The following ZNF577 variants were observed in gnomAD, a reference collection of about 807,000 sequenced individuals.
ZNF577 encodes the protein zinc finger protein 577.
Under a neutral mutation model 13.9 loss-of-function variants are expected in ZNF577, and 14 were observed. The ratio of observed to expected loss-of-function variants is 1.00; its 90% CI spans 0.66 to 1.57. The LOEUF is 1.57. ZNF577 is among the 40% of genes most tolerant of loss of function. The pLI, the probability that ZNF577 is intolerant of heterozygous loss-of-function variation, is 0.00. For synonymous variants in ZNF577, 203 were observed against 202.9 expected (o/e 1.00, Z 0.00); for missense variants, 555 against 579.2 (o/e 0.96, Z 0.43).
chr19:51,831,088 A>G (rs562020909), intron 9 of ZNF577, among the ~76,000 whole-genome samples: 1 of 152,252 alleles, frequency 6.6e-6, no homozygotes, highest in East Asian at 1.9e-4. Flanking sequence ...TTAAGTCCCA[A>G]ATATAAGTAA....
chr19:51,847,697 A>G (rs571313790), intron 5 of ZNF577, among the ~76,000 whole-genome samples: 1 of 152,174 alleles, frequency 6.6e-6, no homozygotes, highest in Non-Finnish European at 1.5e-5. Context: ...AAGCGGCCTT[A>G]AACGGCAACC....
chr19:51,872,952 A>G lies in ZNF577; in HGVS notation c.1038T>C (p.Arg346=), dbSNP rs1180296164. The change falls in exon 6 of 6, where the codon CGT becomes CGC. Residue 346 remains arginine, a synonymous_variant. Coordinates refer to ENST00000638348, the MANE Select transcript of ZNF577 (RefSeq NM_001370449.1). ...AATATGGTCTCTCTCCAGTGTGAGT[A>G]CGCTGATGCTGAATGAGCTTCGACT... The part of the protein sequence containing the change: ...RSKSKLIQHQ[R]THTGERPYSC... 6.2e-7 allele frequency: 1 copy of G among 1,614,072 alleles called. No individual in the cohort carries two copies. Among genetic ancestry groups the G allele is most frequent in the African/African-American group, 1.3e-5 (1 of 74,944 alleles).
chr19:51,806,252 T>C (rs1460931230), intron 10 of ZNF577, among the ~76,000 whole-genome samples: 2 of 152,118 alleles, frequency 1.3e-5, no homozygotes, highest in Admixed American at 1.3e-4. Context: ...CAGTCTCCCA[T>C]TCCAGGGTTG....
chr19:51,820,194 C>T (rs192216978), intron 9 of ZNF577, among the ~76,000 whole-genome samples: 1 of 152,280 alleles, frequency 6.6e-6, no homozygotes, highest in Non-Finnish European at 1.5e-5. Flanking sequence ...AGAAATCACA[C>T]GTGCTGGAGA....
chr19:51,804,472 TCAAAA>T (rs1015241672), downstream of ZNF577, among the ~76,000 whole-genome samples: 1 of 152,116 alleles, frequency 6.6e-6, no homozygotes, highest in African/African-American at 2.4e-5. Context: ...TATAACCGCA[TCAAAA>T]CAAAGTTTTA....
chr19:51,814,075 T>C (rs2084116698), intron 9 of ZNF577, among the ~76,000 whole-genome samples: 1 of 152,246 alleles, frequency 6.6e-6, no homozygotes, highest in East Asian at 1.9e-4. Context: ...CTTTTTGTAA[T>C]AGTAAATTCC....
At chr19:51,827,077 C>T (rs919291336) in intron 9 of ZNF577, among the ~76,000 whole-genome samples, 1 of 152,164 alleles carries the variant, frequency 6.6e-6, no homozygotes, top group African/African-American at 2.4e-5. Flanking sequence ...ATTATAGAAA[C>T]TATAATCCTA....
intron 4 of ZNF577, chr19:51,878,067 A>C (rs1244308252): frequency 1.1e-5 from 2 of 178,546 alleles, no homozygotes; most frequent in Non-Finnish European, 2.4e-5. Context: ...CAAAATCCTA[A>C]AGACAGAAAG....
rs1482714168 is a variant in ZNF577 at position 51,870,505 on chromosome 19, T to A, written c.*2027A>T. ...ACTCCTTACTTAAGGTCCACTGTGA[T>A]TCTCCAAATGTTAGGAGGCGTTTCC... On this transcript the variant is annotated 3_prime_UTR_variant, in exon 6 of 6. Transcript: ENST00000638348. Among the ~76,000 whole-genome samples the A allele has an allele frequency of 2.6e-5, 4 of 152,204 alleles. No individual in the cohort carries two copies. Among genetic ancestry groups the A allele is most frequent in the Admixed American group, 2.6e-4 (4 of 15,274 alleles).
In ZNF577 at chr19:51,868,482, C is replaced by T. The variant is rs1413536000; in HGVS notation, c.*4050G>A. Among the ~76,000 whole-genome samples, 1 of 152,182 alleles carries T rather than the reference C, an allele frequency of 6.6e-6. No individual in the cohort carries two copies. Among genetic ancestry groups the T allele is most frequent in the Non-Finnish European group, 1.5e-5 (1 of 68,022 alleles). ...ACAATGGGATTCTGTAGGACTGCTT[C>T]CCACCTCAGCCACACAGCAGGGCAG... is the stretch of plus-strand genomic sequence containing the variant. On this transcript the variant is annotated 3_prime_UTR_variant, in exon 6 of 6. Coordinates refer to ENST00000638348, the MANE Select transcript of ZNF577 (RefSeq NM_001370449.1).
intron 9 of ZNF577, among the ~76,000 whole-genome samples, chr19:51,815,690 G>A (rs764004585): frequency 4.6e-5 from 7 of 151,528 alleles, no homozygotes; most frequent in Non-Finnish European, 8.8e-5. Flanking sequence ...GATACATGGC[G>A]AAACCCTGTT....
intron 5 of ZNF577, among the ~76,000 whole-genome samples, chr19:51,876,333 G>A (rs1018839889): frequency 1.3e-5 from 2 of 152,030 alleles, no homozygotes; most frequent in Admixed American, 1.3e-4. Context: ...GACACGCAGC[G>A]GGTTAGAGTG....
chr19:51,829,808 C>T (rs78920845), intron 9 of ZNF577, among the ~76,000 whole-genome samples: 2,701 of 152,274 alleles, frequency 0.018, 100 homozygotes, highest in African/African-American at 0.062. Flanking sequence ...AGAGCAAGTG[C>T]TGCTGAGGCC....
At chr19:51,864,273 C>T (rs8103041), downstream of ZNF577, among the ~76,000 whole-genome samples, 2,980 of 152,084 alleles carry the variant, frequency 0.02, 119 homozygotes, top group African/African-American at 0.068. Flanking sequence ...AATTACTTTC[C>T]GCAACACTTT....
chr19:51,841,197 G>C (rs2084318687), intron 8 of ZNF577, among the ~76,000 whole-genome samples: 1 of 152,190 alleles, frequency 6.6e-6, no homozygotes, highest in Non-Finnish European at 1.5e-5. Context: ...CTCATCCTGG[G>C]AACATGTCCC....
intron 10 of ZNF577, among the ~76,000 whole-genome samples, chr19:51,806,222 T>C (rs1021355681): frequency 8.5e-5 from 13 of 152,178 alleles, no homozygotes; most frequent in African/African-American, 3.1e-4. Flanking sequence ...GGGCCCATGG[T>C]TGGCCACCCC....
chr19:51,862,015 A>T (rs938469736), intron 5 of ZNF577: 1 of 152,234 alleles, frequency 6.6e-6, no homozygotes, highest in African/African-American at 2.4e-5. Context: ...GCTTACTGAG[A>T]CCTGTCTTTT....
chr19:51,808,600 T>C (rs1472568243), intron 10 of ZNF577, among the ~76,000 whole-genome samples: 1 of 152,174 alleles, frequency 6.6e-6, no homozygotes, highest in Admixed American at 6.5e-5. Context: ...TCTCTTTGAT[T>C]AATAGAAGGC....
chr19:51,825,758 A>T (rs2084228151), intron 9 of ZNF577: 1 of 167,114 alleles, frequency 6.0e-6, no homozygotes, highest in African/African-American at 2.4e-5. Context: ...GAGGGTAAGA[A>T]GTAGATAATG....
Sources: gnomAD v4.1 joint callset for allele counts (sites outside exome capture counted in the v4.1 genomes callset) on GRCh38, gnomAD v4.1.1 for gene constraint, MANE v1.5 for transcripts, NCBI Gene and HGNC (gene_info 2026-07-23, HGNC 2026-07-21) for gene names.